Variants in PCDHGA4 observed in about 807,000 individuals in gnomAD.
PCDHGA4 encodes the protein protocadherin gamma subfamily A, 4.
Under a neutral mutation model 54.6 loss-of-function variants are expected in PCDHGA4, and 38 were observed. That is an observed-to-expected ratio of 0.70 (90% CI 0.54 to 0.91). PCDHGA4 has a LOEUF of 0.91. PCDHGA4 is among the 40% of genes least tolerant of loss of function. The pLI is 0.00. For missense variants in PCDHGA4, 1,298 were observed against 1,220.9 expected (o/e 1.06, Z -0.94); for synonymous variants, 511 against 512.9 (o/e 1.00, Z 0.05).
intron 1 of PCDHGA4, chr5:141,427,842 C>T: frequency 6.5e-7 from 1 of 1,549,268 alleles, no homozygotes. Flanking sequence ...TGCCTTCGAC[C>T]ACGAGCAGCT....
chr5:141,458,409 G>A (rs188300064), intron 1 of PCDHGA4, among the ~76,000 whole-genome samples: 2 of 152,126 alleles, frequency 1.3e-5, no homozygotes, highest in East Asian at 1.9e-4. Context: ...GAGACGGAGC[G>A]GGGGTTCCAA....
At chr5:141,423,424 T>C in intron 1 of PCDHGA4, 1 of 1,614,004 alleles carries the variant, frequency 6.2e-7, no homozygotes, top group Non-Finnish European at 8.5e-7. Flanking sequence ...TGAAGGCGGG[T>C]TGGCAGGTAT....
chr5:141,431,189 G>A lies in PCDHGA4; in HGVS notation c.2515-63618G>A. 2 of 1,614,208 alleles carry A rather than the reference G, an allele frequency of 1.2e-6. No homozygotes were observed. The highest frequency in any genetic ancestry group is 1.7e-6 in the Non-Finnish European group (2 of 1,180,036). On this transcript the variant is annotated intron_variant, in intron 1 of 3. Transcript: ENST00000571252. This position sits in a 1 kb window ranked among gnomAD's most constrained non-coding sequence, Gnocchi z 4.8. ...AAGTGAATTAGAAATAAAAATTAGT[G>A]AAAATGCAGCCACTGAGATGCGGTT...
At position 141,491,682 on chromosome 5, in the gene PCDHGA4, G is replaced by A. The variant is rs11952292; in HGVS notation, c.2515-3125G>A. The A allele has an allele frequency of 1.9e-6, 3 of 1,613,150 alleles. No individual in the cohort carries two copies. Among genetic ancestry groups the A allele is most frequent in the South Asian group, 1.1e-5 (1 of 91,046 alleles). On this transcript the variant is annotated intron_variant, in intron 1 of 3. Coordinates refer to ENST00000571252, the MANE Select transcript of PCDHGA4 (RefSeq NM_018917.4). The surrounding 1 kb of genome is among the most constrained non-coding windows in gnomAD (Gnocchi z 6.9). Reference sequence around the variant, plus strand: ...ACGCCATCCGGTCCCGCTCTAATACGCTGCGGGAGCGGAGCCAGGTGAGGG... The same window carrying A: ...ACGCCATCCGGTCCCGCTCTAATACACTGCGGGAGCGGAGCCAGGTGAGGG...
chr5:141,389,215 A>G (rs2150378532), intron 1 of PCDHGA4: 1 of 1,614,010 alleles, frequency 6.2e-7, no homozygotes, highest in Non-Finnish European at 8.5e-7. Flanking sequence ...GGTGATGTAA[A>G]TGACAACGCT....
intron 1 of PCDHGA4, chr5:141,421,544 A>G (rs2096582597): frequency 6.2e-7 from 1 of 1,613,912 alleles, no homozygotes; most frequent in African/African-American, 1.3e-5. Context: ...TGTTTTTTAA[A>G]TATGGAACTT....
chr5:141,399,519 G>A (rs1467117930), intron 1 of PCDHGA4: 2 of 1,614,036 alleles, frequency 1.2e-6, no homozygotes, highest in Non-Finnish European at 1.7e-6. Context: ...ACCCTCCTGG[G>A]GCCTCCATCG....
At chr5:141,379,433 T>G (rs1775597873) in intron 1 of PCDHGA4, 1 of 152,256 alleles carries the variant, frequency 6.6e-6, no homozygotes. Flanking sequence ...AGATGGGCTG[T>G]TATACATATG....
chr5:141,381,798 C>CTCTTTCTTTCTTTCTTTCTT (rs372235829), intron 1 of PCDHGA4, among the ~76,000 whole-genome samples: 32 of 144,170 alleles, frequency 2.2e-4, no homozygotes, highest in African/African-American at 7.7e-4. Flanking sequence ...AGGCAATTCC[C>CTCTTTCTTTCTTTCTTTCTT]TCTTTCTTTC....
intron 1 of PCDHGA4, chr5:141,441,982 G>T: frequency 3.6e-6 from 1 of 277,096 alleles, no homozygotes; most frequent in South Asian, 3.6e-5. Flanking sequence ...CCTGGAATGC[G>T]CACCGACGAG....
chr5:141,388,396 A>C, intron 1 of PCDHGA4: 2 of 1,614,014 alleles, frequency 1.2e-6, no homozygotes, highest in Non-Finnish European at 1.7e-6. Flanking sequence ...CAGAATTACC[A>C]ACTCAGTCCC....
intron 1 of PCDHGA4, among the ~76,000 whole-genome samples, chr5:141,406,361 T>C (rs2094800900): frequency 6.6e-6 from 1 of 152,194 alleles, no homozygotes; most frequent in African/African-American, 2.4e-5. Flanking sequence ...ACTATGTTTG[T>C]AAGGGTAAAC....
chr5:141,356,491 C>A lies in PCDHGA4; in HGVS notation c.1384C>A (p.Pro462Thr). The A allele has an allele frequency of 6.2e-7, 1 of 1,613,958 alleles. No individual in the cohort carries two copies. Among genetic ancestry groups the A allele is most frequent in the South Asian group, 1.1e-5 (1 of 91,086 alleles). Residue 462 changes from proline (P) to threonine (T), a missense_variant, in exon 1 of 4, where the codon CCA becomes ACA. Pro to Thr is a conservative substitution (Grantham distance 38). Transcript: ENST00000571252. ...AACTGCCACTGACCAGGGAACTCCT[C>A]CACTGTCTACAGAAACTCATATTTC... ...TVTATDQGTPPLSTETHISLQ... is the reference protein window; with the variant it reads ...TVTATDQGTPTLSTETHISLQ...
intron 1 of PCDHGA4, among the ~76,000 whole-genome samples, chr5:141,469,232 A>AC (rs1350524557): frequency 2.0e-5 from 3 of 151,722 alleles, no homozygotes; most frequent in Non-Finnish European, 4.4e-5. Flanking sequence ...AGCCATGATC[A>AC]CCCCACTGCA....
At position 141,379,889 on chromosome 5, in the gene PCDHGA4, C is replaced by CTTTTTTTTTTTTT. The variant is rs70988800; in HGVS notation, c.2514+22286_2514+22298dup. Among the ~76,000 whole-genome samples, 110 of 50,830 alleles carry CTTTTTTTTTTTTT rather than the reference C, an allele frequency of 2.2e-3. 13 individuals carry two copies. Among genetic ancestry groups the CTTTTTTTTTTTTT allele is most frequent in the African/African-American group, 3.3e-3 (50 of 15,082 alleles). 33.3% of individuals were successfully genotyped at this position (50,830 alleles called of 152,430 possible). ...CTTATTTTATGGTCTGTGAAAGCCTCTTTTTTTTTTTTTTTTTTTTTTTTT... is the reference window on the plus strand; with the variant it reads ...CTTATTTTATGGTCTGTGAAAGCCTCTTTTTTTTTTTTTTTTTTTTTTTTTTTTTTTTTTTTTT... On this transcript the variant is annotated intron_variant, in intron 1 of 3. Transcript: ENST00000571252.
intron 1 of PCDHGA4, chr5:141,478,834 A>G: frequency 7.0e-7 from 1 of 1,427,896 alleles, no homozygotes; most frequent in Non-Finnish European, 9.2e-7. Context: ...TTGCTAAGGG[A>G]TGGTTAAGCT....
In PCDHGA4 at chr5:141,432,596, G is replaced by T; in HGVS notation, c.2515-62211G>T. On this transcript the variant is annotated intron_variant, in intron 1 of 3. Transcript: ENST00000571252. This position sits in a 1 kb window ranked among gnomAD's most constrained non-coding sequence, Gnocchi z 6.0. The stretch of plus-strand genomic sequence containing the variant: ...GTCCTACCGTCTGCTCAAGGCCAGC[G>T]AGCCGGGACTCTTCTCGGTGGGTCT... 6.8e-6 allele frequency: 11 copies of T among 1,613,926 alleles called. No individual in the cohort carries two copies. The highest frequency in any genetic ancestry group is 9.3e-6 in the Non-Finnish European group (11 of 1,179,972).
chr5:141,476,656 T>C lies in PCDHGA4; in HGVS notation c.2515-18151T>C. 1 of 1,614,210 alleles carries C rather than the reference T, an allele frequency of 6.2e-7. No individual in the cohort carries two copies. Among genetic ancestry groups the C allele is most frequent in the Non-Finnish European group, 8.5e-7 (1 of 1,180,044 alleles). On this transcript the variant is annotated intron_variant, in intron 1 of 3. Coordinates refer to ENST00000571252, the MANE Select transcript of PCDHGA4 (RefSeq NM_018917.4). This position sits in a 1 kb window ranked among gnomAD's most constrained non-coding sequence, Gnocchi z 7.6. ...ATGAGCTGAGCCGAAATGAATACTT[T>C]GCGCTTCGCGTGCAGACGCGGGAGG...
At chr5:141,385,542 A>T (rs3763123) in intron 1 of PCDHGA4, 69,535 of 1,326,660 alleles carry the variant, frequency 0.052, 2,028 homozygotes, top group African/African-American at 0.1. Flanking sequence ...GAATATGTGG[A>T]CTATCACATT....
Sources: gnomAD v4.1 joint callset for allele counts (sites outside exome capture counted in the v4.1 genomes callset) on GRCh38, gnomAD v4.1.1 for gene constraint, Gnocchi (gnomAD v3.1) non-coding constraint, MANE v1.5 for transcripts, NCBI Gene and HGNC (gene_info 2026-07-23, HGNC 2026-07-21) for gene names.